NBEA: variants seen among roughly 807,000 people sequenced by gnomAD.
NBEA encodes the protein lysosomal-trafficking regulator 2.
In NBEA, 44 loss-of-function variants were observed where a neutral mutation model predicts 343.4. The ratio of observed to expected loss-of-function variants is 0.13; its 90% CI spans 0.10 to 0.16. The LOEUF is 0.16. NBEA is among the 10% of genes least tolerant of loss of function. NBEA has a pLI of 1.00. For missense variants in NBEA, 2,555 were observed against 3,631.3 expected (o/e 0.70, Z 7.62); for synonymous variants, 1,175 against 1,238.7 (o/e 0.95, Z 1.08).
rs1324401958 is a variant in NBEA at position 35,056,121 on chromosome 13, A to G, written c.1084A>G (p.Thr362Ala). The change falls in exon 7 of 59, where the codon ACA (threonine) becomes GCA (alanine). Residue 362 changes from threonine (T) to alanine (A), a missense_variant. This residue lies in a region of NBEA where 75 missense variants were observed against 237.4 expected (regional missense o/e 0.32). Transcript: ENST00000379939. Reference protein sequence around the residue: ...SYGDMAWHVNTNDSYDKCFLG... With the variant: ...SYGDMAWHVNANDSYDKCFLG... ...TGGTGATATGGCTTGGCATGTTAAC[A>G]CAAATGATGTAAGTCTTTATTTTTC... 2.5e-6 allele frequency: 4 copies of G among 1,590,080 alleles called. No homozygotes were observed. Among genetic ancestry groups the G allele is most frequent in the Admixed American group, 3.5e-5 (2 of 57,878 alleles).
intron 40 of NBEA, among the ~76,000 whole-genome samples, chr13:35,459,245 A>G (rs2046776763): frequency 6.6e-6 from 1 of 151,908 alleles, no homozygotes; most frequent in Non-Finnish European, 1.5e-5. Flanking sequence ...CTTCTTGTAA[A>G]CTGGTTAGGT....
rs538751366 is a variant in NBEA at position 35,429,786 on chromosome 13, C to A, written c.6180-2483C>A. Among the ~76,000 whole-genome samples the A allele has an allele frequency of 5.6e-5, 8 of 143,826 alleles. No homozygotes were observed. In the East Asian group the frequency reaches 1.7e-3, roughly 30 times the overall value. The allele number at this position is 143,826 out of a possible 152,430, so 94.4% of individuals were successfully genotyped here. A position where few individuals can be genotyped will look rare whatever the true frequency, so the allele number is the denominator to read the frequency against. ...TTTCTCACCCACCTCCCACCCTTTC[C>A]CCTGAGTCCCCAACGTGTGTGTGTG... On this transcript the variant is annotated intron_variant, in intron 38 of 58. Coordinates refer to ENST00000379939, the MANE Select transcript of NBEA (RefSeq NM_001385012.1).
chr13:35,204,187 C>G (rs1374686036), intron 31 of NBEA, among the ~76,000 whole-genome samples: 2 of 152,136 alleles, frequency 1.3e-5, no homozygotes, highest in African/African-American at 4.8e-5. Flanking sequence ...AGTACAAACC[C>G]TACTGTGAAC....
chr13:35,205,548 A>G (rs146406860), intron 31 of NBEA, among the ~76,000 whole-genome samples: 39 of 152,214 alleles, frequency 2.6e-4, no homozygotes, highest in African/African-American at 8.7e-4. Context: ...TTCCAGATCA[A>G]CTGTCATCCT....
chr13:35,535,233 A>C (rs367761249), intron 41 of NBEA, among the ~76,000 whole-genome samples: 1 of 152,210 alleles, frequency 6.6e-6, no homozygotes, highest in East Asian at 1.9e-4. Context: ...TGGCGGCAGA[A>C]GCAAAAACAC....
Position 35,195,519 on chromosome 13 carries a change from C to A in NBEA, c.4928-345C>A, listed in dbSNP as rs141055194. On this transcript the variant is annotated intron_variant, in intron 30 of 58. Coordinates refer to ENST00000379939, the MANE Select transcript of NBEA (RefSeq NM_001385012.1). ...GTTCAAGCAATTCTCCTGCCTCAGC[C>A]TCCCGAGTAGCTGGGATTAGACGTA... 9.2e-3 allele frequency among the ~76,000 whole-genome samples: 1,403 copies of A among 152,160 alleles called. 70 individuals are homozygous for A. Among genetic ancestry groups the A allele is most frequent in the Admixed American group, 0.08 (1,222 of 15,258 alleles).
intron 26 of NBEA, among the ~76,000 whole-genome samples, chr13:35,172,843 C>T (rs73503795): frequency 0.039 from 5,915 of 152,108 alleles, 194 homozygotes; most frequent in African/African-American, 0.083. Flanking sequence ...ACTCAGGTCA[C>T]GGTCTGATTT....
intron 10 of NBEA, among the ~76,000 whole-genome samples, chr13:35,087,514 T>C (rs1256727594): frequency 6.6e-6 from 1 of 151,864 alleles, no homozygotes; most frequent in African/African-American, 2.4e-5. Context: ...AATTTTATAA[T>C]AGTTACGGCA....
Position 35,352,177 on chromosome 13 carries a change from T to C in NBEA, c.6033T>C (p.Ala2011=), listed in dbSNP as rs1215009501. 4 of 1,505,228 alleles carry C rather than the reference T, an allele frequency of 2.7e-6. No individual in the cohort carries two copies. Among genetic ancestry groups the C allele is most frequent in the Middle Eastern group, 3.5e-4 (2 of 5,668 alleles). The allele number at this position is 1,505,228 out of a possible 1,614,324, so 93.2% of individuals were successfully genotyped here. ...TATAGTCACAGTGTGCCCAATATGC[T>C]GCTGATAGAAGAGAGGAAGAAAAGA... The part of the protein sequence containing the change: ...AEFESQCAQY[A]ADRREEEKMC... The change falls in exon 38 of 59, where the codon GCT becomes GCC. Residue 2011 remains alanine, a synonymous_variant. Transcript: ENST00000379939.
At chr13:35,169,130 A>G in intron 25 of NBEA, 135 bp downstream of exon 25, 1 of 564,962 alleles carries the variant, frequency 1.8e-6, no homozygotes, top group South Asian at 3.9e-5. Flanking sequence ...TTGTATATTT[A>G]AAAGAGTCAT....
At chr13:35,481,958 T>C (rs956288895) in intron 41 of NBEA, among the ~76,000 whole-genome samples, 5 of 151,880 alleles carry the variant, frequency 3.3e-5, no homozygotes, top group African/African-American at 1.2e-4. Flanking sequence ...TACTAGGTCA[T>C]CCAGGACTGC....
chr13:35,224,267 A>G (rs1029118442), intron 33 of NBEA, among the ~76,000 whole-genome samples: 5 of 152,134 alleles, frequency 3.3e-5, no homozygotes, highest in African/African-American at 4.8e-5. Flanking sequence ...TCTTTTTGCC[A>G]TGTAATATAG....
chr13:35,118,075 G>C (rs2066597681), intron 14 of NBEA, among the ~76,000 whole-genome samples, 153 bp from the exon 15 acceptor site: 2 of 151,806 alleles, frequency 1.3e-5, no homozygotes, highest in Non-Finnish European at 2.9e-5. Context: ...AAATAATACA[G>C]TCTATAAATT....
chr13:35,515,930 A>C (rs1287036661), intron 41 of NBEA, among the ~76,000 whole-genome samples: 1 of 152,228 alleles, frequency 6.6e-6, no homozygotes, highest in Non-Finnish European at 1.5e-5. Flanking sequence ...ATGCAATTAT[A>C]ACATAGCAAC....
rs780474751 is a variant in NBEA at position 35,156,214 on chromosome 13, G to A, written c.2651+8G>A. On this transcript the variant is annotated splice_region_variant and intron_variant, in intron 20 of 58. Transcript: ENST00000379939. Reference sequence around the variant, plus strand: ...CAGCCGTGAAAATAGAAGGTAAGCAGTTTGGATACTGTAACAACACTTTAT... The same window carrying A: ...CAGCCGTGAAAATAGAAGGTAAGCAATTTGGATACTGTAACAACACTTTAT... 6.4e-7 allele frequency: 1 copy of A among 1,564,870 alleles called. No homozygotes were observed. Among genetic ancestry groups the A allele is most frequent in the Admixed American group, 2.0e-5 (1 of 48,878 alleles).
At chr13:35,575,885 C>A (rs928181081) in intron 45 of NBEA, among the ~76,000 whole-genome samples, 2 of 152,106 alleles carry the variant, frequency 1.3e-5, no homozygotes, top group South Asian at 4.1e-4. Context: ...AACACCCCCA[C>A]CTTTTTTTTC....
At chr13:35,160,806 G>A (rs900493121) in intron 22 of NBEA, among the ~76,000 whole-genome samples, 1 of 152,114 alleles carries the variant, frequency 6.6e-6, no homozygotes, top group Non-Finnish European at 1.5e-5. Flanking sequence ...AGTTATGACT[G>A]TTTCTTTATT....
rs2075041522 is a variant in NBEA at position 35,232,750 on chromosome 13, A to G, written c.5776+131A>G. On this transcript the variant is annotated intron_variant, in intron 34 of 58. Coordinates refer to ENST00000379939, the MANE Select transcript of NBEA (RefSeq NM_001385012.1). ...GCATTACTTCACAAATTCTAATAAGATATTCAATATGTTTTCTCTTCACTC... is the reference window on the plus strand; with the variant it reads ...GCATTACTTCACAAATTCTAATAAGGTATTCAATATGTTTTCTCTTCACTC... The G allele has an allele frequency of 4.4e-6, 3 of 674,904 alleles. No homozygotes were observed. In the South Asian group the frequency reaches 1.2e-4, roughly 26 times the overall value. The allele number at this position is 674,904 out of a possible 1,614,324, so 41.8% of individuals were successfully genotyped here.
intron 38 of NBEA, among the ~76,000 whole-genome samples, chr13:35,421,913 C>A (rs2044298111): frequency 6.6e-6 from 1 of 152,038 alleles, no homozygotes; most frequent in Admixed American, 6.6e-5. Flanking sequence ...TGAGATGCCA[C>A]TTTTCTCTGG....
Sources: allele counts gnomAD v4.1 joint callset (sites outside exome capture counted in the v4.1 genomes callset), GRCh38; gene constraint gnomAD v4.1.1; regional missense constraint gnomAD v4.1.1; transcripts MANE v1.5; gene names NCBI Gene and HGNC (gene_info 2026-07-23, HGNC 2026-07-21).